The following SLC35D2 variants were observed in gnomAD, a reference collection of about 807,000 sequenced individuals.
SLC35D2 encodes nucleotide sugar transporter SLC35D2.
A neutral mutation model predicts 41.8 loss-of-function variants in SLC35D2; 43 were observed. The observed-to-expected ratio is 1.03, with a 90% confidence interval of 0.81 to 1.33. The LOEUF (loss-of-function observed/expected upper bound fraction) is 1.33, where lower values mean the gene tolerates loss of function less well. Ranked by LOEUF, SLC35D2 falls within the 40% of genes most tolerant of loss-of-function variation. The pLI, the probability that SLC35D2 is intolerant of heterozygous loss-of-function variation, is 0.00. For missense variants in SLC35D2, 380 were observed against 408.4 expected, an observed-to-expected ratio of 0.93 and a Z score of 0.60; for synonymous variants, 150 against 163.9, an observed-to-expected ratio of 0.92 and a Z score of 0.65.
intron 5 of SLC35D2, 40 bp from the exon 6 acceptor site, chr9:96,351,211 G>C: frequency 7.5e-7 from 1 of 1,341,266 alleles, no homozygotes; most frequent in East Asian, 2.3e-5. Flanking sequence ...AGGGAGCAGA[G>C]AGGAAAACAT....
chr9:96,344,763 G>A (rs1829504647), intron 7 of SLC35D2, among the ~76,000 whole-genome samples: 1 of 151,156 alleles, frequency 6.6e-6, no homozygotes, highest in South Asian at 2.1e-4. Context: ...CCACGTGACA[G>A]GCAGCCACAC....
At chr9:96,334,202 G>A (rs147151793) in intron 9 of SLC35D2, among the ~76,000 whole-genome samples, 3 of 152,198 alleles carry the variant, frequency 2.0e-5, no homozygotes, top group African/African-American at 4.8e-5. Flanking sequence ...GGGGGAGGAG[G>A]GGATACTGAG....
chr9:96,363,202 C>T (rs1353124853), intron 3 of SLC35D2, among the ~76,000 whole-genome samples: 2 of 149,882 alleles, frequency 1.3e-5, no homozygotes, highest in African/African-American at 2.5e-5. Flanking sequence ...CGTCTTACTA[C>T]GTTCTCCACA....
intron 6 of SLC35D2, 81 bp from the exon 7 acceptor site, chr9:96,345,482 C>A: frequency 1.3e-6 from 1 of 757,730 alleles, no homozygotes; most frequent in Non-Finnish European, 2.3e-6. Flanking sequence ...CTACCTTTCC[C>A]TAATCAAACC....
intron 9 of SLC35D2, among the ~76,000 whole-genome samples, chr9:96,335,041 G>A (rs943473911): frequency 5.9e-5 from 9 of 152,228 alleles, no homozygotes; most frequent in Non-Finnish European, 1.0e-4. Flanking sequence ...CATTGCAATT[G>A]AAATCAAGTT....
intron 1 of SLC35D2, among the ~76,000 whole-genome samples, chr9:96,378,261 C>A (rs1831038728): frequency 6.6e-6 from 1 of 150,592 alleles, no homozygotes; most frequent in Admixed American, 6.6e-5. Flanking sequence ...TACTGAGACT[C>A]CATCTCTAAA....
downstream of SLC35D2, among the ~76,000 whole-genome samples, chr9:96,320,226 A>G (rs1319137313): frequency 6.6e-6 from 1 of 152,226 alleles, no homozygotes; most frequent in Admixed American, 6.5e-5. Context: ...AAATGCTAAC[A>G]GGATTGGCCG....
intron 4 of SLC35D2, 142 bp downstream of exon 4, chr9:96,360,012 C>T (rs1369216050): frequency 1.2e-5 from 6 of 510,722 alleles, no homozygotes; most frequent in Non-Finnish European, 2.1e-5. Flanking sequence ...CAAAACTCCA[C>T]CTTACTTTCT....
chr9:96,327,544 G>A (rs1278444602), intron 9 of SLC35D2, among the ~76,000 whole-genome samples: 3 of 152,142 alleles, frequency 2.0e-5, no homozygotes, highest in Non-Finnish European at 4.4e-5. Flanking sequence ...TCTGGAGTGA[G>A]CCTCAGTGAG....
chr9:96,319,816 G>T (rs138200946), downstream of SLC35D2, among the ~76,000 whole-genome samples: 520 of 152,350 alleles, frequency 3.4e-3, 3 homozygotes, highest in Non-Finnish European at 5.2e-3. Context: ...AAATCCACAC[G>T]ATTCCTTCCT....
At position 96,340,619 on chromosome 9, in the gene SLC35D2, C is replaced by CAAAA. The variant is rs57501812; in HGVS notation, c.684+3281_684+3284dup. Among the ~76,000 whole-genome samples, 61 of 35,374 alleles carry CAAAA rather than the reference C, an allele frequency of 1.7e-3. 3 individuals carry two copies. The highest frequency in any genetic ancestry group is 2.9e-3 in the African/African-American group (26 of 8,922). The allele number at this position is 35,374 out of a possible 152,430, so 23.2% of individuals were successfully genotyped here. A position where few individuals can be genotyped will look rare whatever the true frequency, so the allele number is the denominator to read the frequency against. On this transcript the variant is annotated intron_variant, in intron 8 of 11. Coordinates refer to ENST00000253270, the MANE Select transcript of SLC35D2 (RefSeq NM_007001.3). ...TGGGCAACAGAGGGAGACTCCATCT[C>CAAAA]AAAAAAAAAAAAAAAAAAAAAAAAA...
At chr9:96,349,207 C>T (rs537467980) in intron 6 of SLC35D2, among the ~76,000 whole-genome samples, 1 of 152,340 alleles carries the variant, frequency 6.6e-6, no homozygotes, top group African/African-American at 2.4e-5. Flanking sequence ...ATCCCCCTCT[C>T]TGAAATCTAC....
intron 6 of SLC35D2, among the ~76,000 whole-genome samples, chr9:96,346,514 C>T (rs1829582527): frequency 6.6e-6 from 1 of 152,106 alleles, no homozygotes; most frequent in Non-Finnish European, 1.5e-5. Context: ...AAATTGATTC[C>T]CTGGTTTTTA....
chr9:96,343,490 A>T (rs1829432450), intron 8 of SLC35D2, among the ~76,000 whole-genome samples: 1 of 152,244 alleles, frequency 6.6e-6, no homozygotes. Context: ...CTGACAACTC[A>T]TTGAATTACT....
At chr9:96,364,831 T>A (rs932988637) in intron 2 of SLC35D2, among the ~76,000 whole-genome samples, 39 of 151,932 alleles carry the variant, frequency 2.6e-4, no homozygotes, top group Non-Finnish European at 2.6e-4. Flanking sequence ...GATGGGTGGA[T>A]TACTTGAGGT....
chr9:96,378,659 A>T (rs1325730053), intron 1 of SLC35D2, among the ~76,000 whole-genome samples: 3 of 152,164 alleles, frequency 2.0e-5, no homozygotes, highest in African/African-American at 7.2e-5. Context: ...TAATCTCAGC[A>T]CTTTGGGAGG....
intron 1 of SLC35D2, among the ~76,000 whole-genome samples, chr9:96,378,926 C>T (rs1279881178): frequency 6.6e-6 from 1 of 151,424 alleles, no homozygotes; most frequent in Non-Finnish European, 1.5e-5. Context: ...AAGACCCAGT[C>T]TCAAAAGAAA....
At chr9:96,352,442 C>T (rs1172002996) in intron 4 of SLC35D2, among the ~76,000 whole-genome samples, 2 of 152,050 alleles carry the variant, frequency 1.3e-5, no homozygotes, top group Non-Finnish European at 2.9e-5. Flanking sequence ...CTGCCTCAGC[C>T]TCCCAAGTAG....
At chr9:96,372,408 CTTGA>C (rs1244011697) in intron 1 of SLC35D2, among the ~76,000 whole-genome samples, 2 of 151,818 alleles carry the variant, frequency 1.3e-5, no homozygotes, top group African/African-American at 2.4e-5. Context: ...TTGCATGAGC[CTTGA>C]TTGGATCATA....
Sources: gnomAD v4.1 joint callset for allele counts (sites outside exome capture counted in the v4.1 genomes callset) on GRCh38, gnomAD v4.1.1 for gene constraint, MANE v1.5 for transcripts, NCBI Gene and HGNC (gene_info 2026-07-23, HGNC 2026-07-21) for gene names.